UBE2E2: variants seen among roughly 807,000 people sequenced by gnomAD.
The protein encoded by UBE2E2 is ubiquitin conjugating enzyme E2 E2.
In UBE2E2, 6 loss-of-function variants were observed where a neutral mutation model predicts 24.7. The observed-to-expected ratio is 0.24, with a 90% CI of 0.13 to 0.48. UBE2E2 has a LOEUF of 0.48. Among genes scored for constraint, UBE2E2 ranks in the 20% least tolerant of loss-of-function variants. The pLI, the probability that UBE2E2 is intolerant of heterozygous loss-of-function variation, is 0.99. For missense variants in UBE2E2, 169 were observed against 245.0 expected (o/e 0.69, Z 2.07); for synonymous variants, 104 against 83.6 (o/e 1.24, Z -1.33).
At chr3:23,569,229 C>T (rs1696166070) in intron 5 of UBE2E2, among the ~76,000 whole-genome samples, 2 of 152,114 alleles carry the variant, frequency 1.3e-5, no homozygotes, top group South Asian at 4.2e-4. Flanking sequence ...TCACAAGAGA[C>T]TACATATTAT....
At chr3:23,503,141 GTTTTTTGGGGTTTT>G (rs1694318281) in intron 4 of UBE2E2, among the ~76,000 whole-genome samples, 1 of 149,824 alleles carries the variant, frequency 6.7e-6, no homozygotes, top group Admixed American at 6.6e-5. Context: ...AAGTTGCTTT[GTTTTTTGGGGTTTT>G]TTTTTTGTCA....
At chr3:23,422,661 A>G (rs1345269912) in intron 3 of UBE2E2, among the ~76,000 whole-genome samples, 1 of 152,226 alleles carries the variant, frequency 6.6e-6, no homozygotes, top group East Asian at 1.9e-4. Context: ...GGTGGAAGAC[A>G]GATTTGACTT....
At position 23,299,495 on chromosome 3, in the gene UBE2E2, G is replaced by A. The variant is rs555923694; in HGVS notation, c.227+82183G>A. Among the ~76,000 whole-genome samples, 831 of 150,276 alleles carry A rather than the reference G, an allele frequency of 5.5e-3. 7 individuals carry two copies. Among genetic ancestry groups the A allele is most frequent in the African/African-American group, 0.013 (536 of 41,104 alleles). On this transcript the variant is annotated intron_variant, in intron 3 of 5. Transcript: ENST00000396703. ...TCTGGTATGTTGTGTCTTTGTTCTC[G>A]TTGGTTTCAAAGAACATCTTTATTT...
At chr3:23,231,931 C>T (rs1356827695) in intron 3 of UBE2E2, among the ~76,000 whole-genome samples, 1 of 152,224 alleles carries the variant, frequency 6.6e-6, no homozygotes, top group Non-Finnish European at 1.5e-5. Flanking sequence ...ATGCTACCCT[C>T]CTGGCACCTG....
chr3:23,236,720 A>G (rs916432687), intron 3 of UBE2E2, among the ~76,000 whole-genome samples: 5 of 152,132 alleles, frequency 3.3e-5, no homozygotes, highest in Non-Finnish European at 7.4e-5. Flanking sequence ...TCTGGAGAAC[A>G]GGAAAGACTA....
rs186460549 is a variant in UBE2E2, at chr3:23,540,635, C to G, written c.508+7934C>G. On this transcript the variant is annotated intron_variant, in intron 5 of 5. Transcript: ENST00000396703. ...GATCAGGCTGGTCTCAAACTCCTGA[C>G]CTCGTGATCCTCCTGCCTTGGCCTC... is the stretch of plus-strand genomic sequence containing the variant. Among the ~76,000 whole-genome samples, 47 of 152,240 alleles carry G rather than the reference C, an allele frequency of 3.1e-4. No individual in the cohort carries two copies. The East Asian group carries it at 8.5e-3, about 27-fold the overall frequency.
chr3:23,438,713 T>C (rs946745264), intron 3 of UBE2E2, among the ~76,000 whole-genome samples: 6 of 152,224 alleles, frequency 3.9e-5, no homozygotes, highest in Non-Finnish European at 5.9e-5. Context: ...AAATATTTAC[T>C]AAATTAGATA....
rs1441407360 is a variant in UBE2E2, at chr3:23,491,701, G to T, written c.228-7907G>T. Among the ~76,000 whole-genome samples the T allele has an allele frequency of 2.0e-5, 3 of 152,204 alleles. No individual in the cohort carries two copies. In the East Asian group the frequency reaches 5.8e-4, roughly 29 times the overall value. On this transcript the variant is annotated intron_variant, in intron 3 of 5. Transcript: ENST00000396703. ...ATGAAAGACTTTGTATGCTGCAAAG[G>T]ACTTTGGGCTTGATCGTGAAGAACC...
chr3:23,301,681 A>G (rs1489631928), intron 3 of UBE2E2, among the ~76,000 whole-genome samples: 2 of 152,174 alleles, frequency 1.3e-5, no homozygotes. Context: ...GTGAGGTGTC[A>G]GTCCACCCCC....
At chr3:23,500,423 GA>G (rs1174684150) in intron 4 of UBE2E2, among the ~76,000 whole-genome samples, 1 of 152,176 alleles carries the variant, frequency 6.6e-6, no homozygotes, top group African/African-American at 2.4e-5. Flanking sequence ...ATATACTTTA[GA>G]AAGTCTTCAC....
intron 3 of UBE2E2, among the ~76,000 whole-genome samples, chr3:23,224,586 G>A (rs1024299413): frequency 3.3e-5 from 5 of 151,194 alleles, no homozygotes; most frequent in African/African-American, 9.7e-5. Flanking sequence ...TTAACATCAC[G>A]TAATCTGGGA....
intron 3 of UBE2E2, among the ~76,000 whole-genome samples, chr3:23,430,293 A>G (rs1698028715): frequency 6.6e-6 from 1 of 152,126 alleles, no homozygotes; most frequent in Non-Finnish European, 1.5e-5. Flanking sequence ...TTCCTTTCCA[A>G]TTAGTATACC....
intron 3 of UBE2E2, among the ~76,000 whole-genome samples, chr3:23,338,770 G>A (rs973903951): frequency 4.6e-5 from 7 of 152,106 alleles, no homozygotes; most frequent in Admixed American, 2.0e-4. Flanking sequence ...ATAAAAAGTG[G>A]TATCCAGATA....
chr3:23,501,629 G>A (rs1234190742), intron 4 of UBE2E2, among the ~76,000 whole-genome samples: 2 of 152,136 alleles, frequency 1.3e-5, no homozygotes, highest in Non-Finnish European at 1.5e-5. Context: ...ATGTTTTAGG[G>A]ACTATGGTGT....
At chr3:23,564,325 G>A (rs917357270) in intron 5 of UBE2E2, among the ~76,000 whole-genome samples, 2 of 152,152 alleles carry the variant, frequency 1.3e-5, no homozygotes, top group African/African-American at 2.4e-5. Flanking sequence ...AGAAAAATAG[G>A]TGGAGCTGTT....
intron 3 of UBE2E2, among the ~76,000 whole-genome samples, chr3:23,272,383 C>G (rs1201400364): frequency 6.6e-6 from 1 of 151,630 alleles, no homozygotes; most frequent in Non-Finnish European, 1.5e-5. Context: ...ACCCGTGCCT[C>G]TCCTTCCACA....
chr3:23,443,638 G>GC (rs1353940665), intron 3 of UBE2E2, among the ~76,000 whole-genome samples: 1 of 152,158 alleles, frequency 6.6e-6, no homozygotes, highest in Non-Finnish European at 1.5e-5. Context: ...GGCAAGAACT[G>GC]CCCCCCGAGG....
At chr3:23,208,941 C>G (rs1575470842) in intron 2 of UBE2E2, 66 bp downstream of exon 2, 1 of 1,428,694 alleles carries the variant, frequency 7.0e-7, no homozygotes, top group Admixed American at 2.6e-5. Flanking sequence ...CTATTTTTCT[C>G]TTGCATTTAA....
chr3:23,285,518 A>G (rs992231862), intron 3 of UBE2E2, among the ~76,000 whole-genome samples: 1 of 152,124 alleles, frequency 6.6e-6, no homozygotes, highest in Non-Finnish European at 1.5e-5. Context: ...TTCTTTTCTC[A>G]GCATCCTCCT....
Sources: allele counts gnomAD v4.1 joint callset (sites outside exome capture counted in the v4.1 genomes callset), GRCh38; gene constraint gnomAD v4.1.1; transcripts MANE v1.5; gene names NCBI Gene and HGNC (gene_info 2026-07-23, HGNC 2026-07-21).